The following NIBAN1 variants were observed in gnomAD, a reference collection of about 807,000 sequenced individuals.
NIBAN1 encodes the protein niban apoptosis regulator 1.
A neutral mutation model predicts 75.1 loss-of-function variants in NIBAN1; 81 were observed. That is an observed-to-expected ratio of 1.08 (90% CI 0.90 to 1.30). The LOEUF (loss-of-function observed/expected upper bound fraction) is 1.30. NIBAN1 is among the 50% of genes most tolerant of loss of function. The probability of loss-of-function intolerance (pLI) is 0.00; values close to 1 mark genes in which losing one functional copy is unlikely to be tolerated. For missense variants in NIBAN1, 1,133 were observed against 1,128.1 expected (o/e 1.00, Z -0.06); for synonymous variants, 436 against 424.8 (o/e 1.03, Z -0.32).
intron 1 of NIBAN1, among the ~76,000 whole-genome samples, chr1:184,962,878 G>A (rs1557932991): frequency 6.6e-6 from 1 of 152,020 alleles, no homozygotes; most frequent in African/African-American, 2.4e-5. Flanking sequence ...AAAAAATAAT[G>A]TTTTTTTCCT....
At chr1:184,831,778 T>A in intron 6 of NIBAN1, 69 bp downstream of exon 6, 1 of 1,075,362 alleles carries the variant, frequency 9.3e-7, no homozygotes, top group Non-Finnish European at 1.4e-6. Flanking sequence ...TTTAATAAAA[T>A]GACCCTGACT....
chr1:184,881,498 AG>A (rs1656377354), intron 5 of NIBAN1, among the ~76,000 whole-genome samples: 1 of 152,158 alleles, frequency 6.6e-6, no homozygotes, highest in African/African-American at 2.4e-5. Context: ...GTTACAGGAA[AG>A]GGGTCCCGAT....
intron 9 of NIBAN1, 93 bp from the exon 10 acceptor site, chr1:184,808,328 A>C: frequency 7.7e-7 from 1 of 1,299,668 alleles, no homozygotes; most frequent in Non-Finnish European, 1.1e-6. Flanking sequence ...AAGCAATCAA[A>C]TGCAAGTTGT....
chr1:184,881,316 G>T (rs1352716511), intron 5 of NIBAN1, among the ~76,000 whole-genome samples: 13 of 152,210 alleles, frequency 8.5e-5, no homozygotes, highest in Admixed American at 8.5e-4. Context: ...ACCCTATAAG[G>T]AAAAGCAGGA....
rs528435606 is a variant in NIBAN1 at position 184,816,604 on chromosome 1, A to G, written c.1173+2034T>C. Reference sequence around the variant, plus strand: ...TAGAGCCACTTATGCTAAATGTGACATAATCAAGCTAGGGCTTTAAGAAAA... The same window carrying G: ...TAGAGCCACTTATGCTAAATGTGACGTAATCAAGCTAGGGCTTTAAGAAAA... On this transcript the variant is annotated intron_variant, in intron 9 of 13. Transcript: ENST00000367511. Among the ~76,000 whole-genome samples the G allele has an allele frequency of 2.6e-5, 4 of 152,332 alleles. No homozygotes were observed. In the East Asian group the frequency reaches 7.7e-4, roughly 29 times the overall value.
intron 8 of NIBAN1, among the ~76,000 whole-genome samples, chr1:184,822,398 C>G (rs1654727831): frequency 6.6e-6 from 1 of 152,216 alleles, no homozygotes; most frequent in African/African-American, 2.4e-5. Flanking sequence ...CGTAAGGTCT[C>G]AGTTCCAACT....
intron 1 of NIBAN1, 77 bp downstream of exon 1, chr1:184,974,225 C>G (rs1047561611): frequency 5.0e-6 from 7 of 1,393,392 alleles, no homozygotes; most frequent in Non-Finnish European, 6.5e-6. Context: ...GGGCGCGCCC[C>G]TTGGGGCCCC....
At chr1:184,809,463 C>T (rs895755807) in intron 9 of NIBAN1, among the ~76,000 whole-genome samples, 2 of 152,140 alleles carry the variant, frequency 1.3e-5, no homozygotes, top group East Asian at 3.9e-4. Context: ...TTATCATACA[C>T]AATTAGTGGA....
chr1:184,804,264 G>A (rs1410709071), intron 11 of NIBAN1, among the ~76,000 whole-genome samples: 1 of 152,242 alleles, frequency 6.6e-6, no homozygotes, highest in Admixed American at 6.5e-5. Flanking sequence ...AGATAAATAA[G>A]AGTATAGTCA....
rs1054126859 is a variant in NIBAN1 at position 184,791,369 on chromosome 1, C to T, written c.*3608G>A. On this transcript the variant is annotated 3_prime_UTR_variant, in exon 14 of 14. Coordinates refer to ENST00000367511, the MANE Select transcript of NIBAN1 (RefSeq NM_052966.4). ...ACTTTTGTCTTGGGGAATTGTGAAA[C>T]CTTTTGAAATCACTAGCTCTGACAT... 1 of 156,984 alleles carries T rather than the reference C, an allele frequency of 6.4e-6. No homozygotes were observed. Among genetic ancestry groups the T allele is most frequent in the Non-Finnish European group, 1.4e-5 (1 of 71,054 alleles). 9.7% of individuals were successfully genotyped at this position (156,984 alleles called of 1,614,324 possible).
At chr1:184,901,293 A>G (rs1656948561) in intron 1 of NIBAN1, among the ~76,000 whole-genome samples, 1 of 152,200 alleles carries the variant, frequency 6.6e-6, no homozygotes, top group African/African-American at 2.4e-5. Flanking sequence ...GATTCTGTAG[A>G]AATGCAAATA....
intron 11 of NIBAN1, 140 bp from the exon 12 acceptor site, chr1:184,803,832 C>G: frequency 4.5e-6 from 3 of 669,236 alleles, no homozygotes; most frequent in Non-Finnish European, 7.8e-6. Flanking sequence ...CCTCAGAGAT[C>G]TTTCCATGTA....
chr1:184,791,483 C>T lies in NIBAN1; in HGVS notation c.*3494G>A, dbSNP rs1457341653. On this transcript the variant is annotated 3_prime_UTR_variant, in exon 14 of 14. Transcript: ENST00000367511. ...AGTTGGAATCTTACCCTGGTAGTCTCCAAAATCTTTTTTTTTTTTTTTTAA... is the reference window on the plus strand; with the variant it reads ...AGTTGGAATCTTACCCTGGTAGTCTTCAAAATCTTTTTTTTTTTTTTTTAA... The T allele has an allele frequency of 7.3e-6, 1 of 136,180 alleles. No individual in the cohort carries two copies. The highest frequency in any genetic ancestry group is 2.7e-5 in the African/African-American group (1 of 36,420). The allele number at this position is 136,180 out of a possible 1,614,324, so 8.4% of individuals were successfully genotyped here.
intron 1 of NIBAN1, among the ~76,000 whole-genome samples, chr1:184,944,330 C>T (rs1390171990): frequency 2.6e-5 from 4 of 152,184 alleles, no homozygotes; most frequent in African/African-American, 9.7e-5. Flanking sequence ...ATGGGAATGA[C>T]CACACTGCTA....
chr1:184,841,252 C>T (rs1041867282), intron 5 of NIBAN1, among the ~76,000 whole-genome samples: 6 of 151,940 alleles, frequency 3.9e-5, no homozygotes, highest in Non-Finnish European at 8.8e-5. Context: ...AATAAAGGTA[C>T]GAAGTTTGAA....
intron 11 of NIBAN1, among the ~76,000 whole-genome samples, chr1:184,805,291 C>A (rs1654164942): frequency 6.6e-6 from 1 of 152,134 alleles, no homozygotes; most frequent in Non-Finnish European, 1.5e-5. Context: ...TTAAGCTCAC[C>A]ATTGATCAGC....
At chr1:184,902,776 G>A (rs971771475) in intron 1 of NIBAN1, among the ~76,000 whole-genome samples, 2 of 152,158 alleles carry the variant, frequency 1.3e-5, no homozygotes, top group South Asian at 4.1e-4. Flanking sequence ...AAGAAAAAGT[G>A]TAAGTTAGGG....
chr1:184,803,727 T>G (rs1654112215), intron 11 of NIBAN1, 35 bp from the exon 12 acceptor site: 1 of 1,575,772 alleles, frequency 6.3e-7, no homozygotes, highest in Admixed American at 1.7e-5. Context: ...AATAGTAACA[T>G]TACAATCTGT....
rs59022150 is a variant in NIBAN1 at position 184,960,623 on chromosome 1, ATGTTGT to A, written c.55+13673_55+13678del. 3.9e-4 allele frequency among the ~76,000 whole-genome samples: 59 copies of A among 150,224 alleles called. 1 individual carries two copies. The highest frequency in any genetic ancestry group is 3.7e-4 in the African/African-American group (15 of 40,912). On this transcript the variant is annotated intron_variant, in intron 1 of 13. Transcript: ENST00000367511. ...AGACAACACCAACAACAACAACAAA[ATGTTGT>A]TGTTGTTGTTGTTGTTGAGACGGAG...
Sources: gnomAD v4.1 joint callset for allele counts (sites outside exome capture counted in the v4.1 genomes callset) on GRCh38, gnomAD v4.1.1 for gene constraint, MANE v1.5 for transcripts, NCBI Gene and HGNC (gene_info 2026-07-23, HGNC 2026-07-21) for gene names.